Variants in SOX5 observed in about 807,000 individuals in gnomAD.
SOX5 encodes the protein SRY-box transcription factor 5.
In SOX5, 9 loss-of-function variants were observed where a neutral mutation model predicts 92.0. The observed-to-expected ratio is 0.10, with a 90% CI of 0.06 to 0.17. The LOEUF (loss-of-function observed/expected upper bound fraction) is 0.17, where lower values mean the gene tolerates loss of function less well. SOX5 is among the 10% of genes least tolerant of loss of function. SOX5 has a pLI of 1.00. For missense variants in SOX5, 642 were observed against 944.5 expected, an observed-to-expected ratio of 0.68 and a Z score of 4.20; for synonymous variants, 344 against 336.3, an observed-to-expected ratio of 1.02 and a Z score of -0.25.
chr12:24,399,308 T>C (rs139885734), intron 1 of SOX5, among the ~76,000 whole-genome samples: 1 of 152,332 alleles, frequency 6.6e-6, no homozygotes, highest in Non-Finnish European at 1.5e-5. Flanking sequence ...TCTCCTCTGG[T>C]AAAACAACTG....
chr12:24,284,432 TTGTG>T (rs59803171), intron 2 of SOX5, among the ~76,000 whole-genome samples: 16 of 149,564 alleles, frequency 1.1e-4, no homozygotes, highest in Non-Finnish European at 2.2e-4. Context: ...TTTTTTTTCT[TTGTG>T]TGTGTGTGTG....
intron 6 of SOX5, among the ~76,000 whole-genome samples, chr12:23,672,237 A>T (rs571916514): frequency 6.6e-6 from 1 of 151,872 alleles, no homozygotes; most frequent in African/African-American, 2.4e-5. Flanking sequence ...CTGTATTCCT[A>T]CCCCTCCTAA....
At chr12:24,150,073 T>G (rs1056284725) in intron 4 of SOX5, among the ~76,000 whole-genome samples, 3 of 152,204 alleles carry the variant, frequency 2.0e-5, no homozygotes, top group Non-Finnish European at 4.4e-5. Flanking sequence ...GGTGACTATT[T>G]TTTGGATCCA....
Position 24,004,960 on chromosome 12 carries a change from A to G in SOX5, c.-1-108936T>C, listed in dbSNP as rs76122979. ...AAGTAAAAAATAGCCGATGCATGCT[A>G]AAACTTGGAGTGAACTCAAAAATAT... On this transcript the variant is annotated intron_variant, in intron 4 of 4. Coordinates refer to the SOX5 transcript ENST00000446891. 1.2e-3 allele frequency among the ~76,000 whole-genome samples: 188 copies of G among 152,286 alleles called. 1 individual carries two copies. The highest frequency in any genetic ancestry group is 4.3e-3 in the African/African-American group (178 of 41,582).
At chr12:24,003,525 AAAATG>A (rs1951831687) in intron 4 of SOX5, among the ~76,000 whole-genome samples, 1 of 152,076 alleles carries the variant, frequency 6.6e-6, no homozygotes, top group African/African-American at 2.4e-5. Flanking sequence ...GAATAATATA[AAAATG>A]AAATAAGAAA....
chr12:23,807,162 G>C (rs1315110483), intron 3 of SOX5, among the ~76,000 whole-genome samples: 1 of 152,166 alleles, frequency 6.6e-6, no homozygotes, highest in Non-Finnish European at 1.5e-5. Flanking sequence ...ACCGTGATTA[G>C]ATTAATTCAT....
At chr12:23,914,293 G>A (rs939083616) in intron 1 of SOX5, among the ~76,000 whole-genome samples, 2 of 151,928 alleles carry the variant, frequency 1.3e-5, no homozygotes, top group South Asian at 2.1e-4. Flanking sequence ...TGTTATAAAA[G>A]TAGAACATTA....
chr12:24,062,128 C>G (rs1441822117), intron 4 of SOX5, among the ~76,000 whole-genome samples: 1 of 152,060 alleles, frequency 6.6e-6, no homozygotes, highest in Non-Finnish European at 1.5e-5. Flanking sequence ...GACTGACATC[C>G]CAATAAGATA....
At chr12:24,543,183 A>G (rs961208749) in intron 1 of SOX5, among the ~76,000 whole-genome samples, 1 of 152,200 alleles carries the variant, frequency 6.6e-6, no homozygotes, top group Non-Finnish European at 1.5e-5. Flanking sequence ...TCTCTAGTCT[A>G]TTGGTATGGT....
chr12:24,459,980 T>C (rs1943446177), intron 1 of SOX5, among the ~76,000 whole-genome samples: 1 of 152,226 alleles, frequency 6.6e-6, no homozygotes, highest in African/African-American at 2.4e-5. Flanking sequence ...TAAAGATTTC[T>C]GAGCATATTT....
intron 2 of SOX5, among the ~76,000 whole-genome samples, chr12:24,290,338 T>C (rs895789192): frequency 2.0e-5 from 3 of 152,220 alleles, no homozygotes; most frequent in Non-Finnish European, 4.4e-5. Context: ...GTTAGGTTGA[T>C]TCCACAAAAA....
intron 13 of SOX5, among the ~76,000 whole-genome samples, chr12:23,538,594 A>G (rs542571584): frequency 2.6e-5 from 4 of 152,264 alleles, no homozygotes; most frequent in Non-Finnish European, 4.4e-5. Flanking sequence ...TTATGATCCT[A>G]TTGAACTAGA....
intron 3 of SOX5, among the ~76,000 whole-genome samples, chr12:23,798,191 C>A (rs2095599065): frequency 1.3e-5 from 2 of 151,914 alleles, no homozygotes; most frequent in Non-Finnish European, 2.9e-5. Context: ...ACTGGAGATA[C>A]AAAAACATAG....
At chr12:24,134,158 A>G (rs927390653) in intron 4 of SOX5, among the ~76,000 whole-genome samples, 1 of 152,140 alleles carries the variant, frequency 6.6e-6, no homozygotes, top group Non-Finnish European at 1.5e-5. Flanking sequence ...AATTGAGACA[A>G]ACAATATATG....
chr12:23,982,774 T>C (rs1181240554), intron 4 of SOX5, among the ~76,000 whole-genome samples: 1 of 151,946 alleles, frequency 6.6e-6, no homozygotes, highest in East Asian at 1.9e-4. Flanking sequence ...ATCCAAAATA[T>C]AATAAATTCA....
chr12:23,955,547 C>T (rs540645772), upstream of SOX5, among the ~76,000 whole-genome samples: 69 of 152,204 alleles, frequency 4.5e-4, no homozygotes, highest in Non-Finnish European at 9.0e-4. Context: ...TAGAAAGAAT[C>T]GATTATTTCA....
chr12:23,845,934 AT>A, intron 3 of SOX5, 48 bp downstream of exon 3: 1 of 1,405,036 alleles, frequency 7.1e-7, no homozygotes, highest in South Asian at 1.2e-5. Flanking sequence ...AAATCAAAGT[AT>A]TAAAATCAGG....
In SOX5 at chr12:24,171,961, A is replaced by G. The variant is rs547265450; in HGVS notation, c.-2+41382T>C. 9.2e-5 allele frequency among the ~76,000 whole-genome samples: 14 copies of G among 152,268 alleles called. 1 individual carries two copies. The East Asian group carries it at 2.7e-3, about 30-fold the overall frequency. On this transcript the variant is annotated intron_variant, in intron 4 of 4. Coordinates refer to the SOX5 transcript ENST00000446891. The stretch of plus-strand genomic sequence containing the variant: ...AGGGTTAGAGTTTATGAGGTTTTCT[A>G]CAGAGAAAGACAAAAACAAGCAAAA...
chr12:24,047,412 C>G (rs576466234), intron 4 of SOX5, among the ~76,000 whole-genome samples: 1 of 152,336 alleles, frequency 6.6e-6, no homozygotes, highest in South Asian at 2.1e-4. Flanking sequence ...CATATGGACA[C>G]TCCATTCTTG....
Sources: allele counts gnomAD v4.1 joint callset (sites outside exome capture counted in the v4.1 genomes callset), GRCh38; gene constraint gnomAD v4.1.1; transcripts MANE v1.5; gene names NCBI Gene and HGNC (gene_info 2026-07-23, HGNC 2026-07-21).